The following PDCD6IP variants were observed in gnomAD, a reference collection of about 807,000 sequenced individuals.
The protein encoded by PDCD6IP is programmed cell death 6-interacting protein.
Under a neutral mutation model 103.7 loss-of-function variants are expected in PDCD6IP, and 43 were observed. The ratio of observed to expected loss-of-function variants is 0.41; its 90% CI spans 0.32 to 0.53. The LOEUF is 0.53. Ranked by LOEUF, PDCD6IP falls within the 20% of genes least tolerant of loss-of-function variation. The pLI is 0.16. For missense variants in PDCD6IP, 871 were observed against 1,036.7 expected, an observed-to-expected ratio of 0.84 and a Z score of 2.20; for synonymous variants, 354 against 378.7, an observed-to-expected ratio of 0.93 and a Z score of 0.76.
chr3:33,827,109 A>G (rs1412634149), intron 6 of PDCD6IP: 6 of 985,338 alleles, frequency 6.1e-6, no homozygotes, highest in Admixed American at 1.2e-4. Context: ...AAGGAAAGCA[A>G]CCATCTTAAA....
rs1473447666 is a variant in PDCD6IP at position 33,868,476 on chromosome 3, A to G, written c.*1951A>G. 1 of 152,744 alleles carries G rather than the reference A, an allele frequency of 6.5e-6. No individual in the cohort carries two copies. The highest frequency in any genetic ancestry group is 1.5e-5 in the Non-Finnish European group (1 of 68,200). The allele number at this position is 152,744 out of a possible 1,614,324, so 9.5% of individuals were successfully genotyped here. ...TCAGAAACTAGGAAAGGAGGCCCCCACAGCTGATCCTGCCACAGCACACCT... is the reference window on the plus strand; with the variant it reads ...TCAGAAACTAGGAAAGGAGGCCCCCGCAGCTGATCCTGCCACAGCACACCT... On this transcript the variant is annotated 3_prime_UTR_variant, in exon 18 of 18. Transcript: ENST00000307296.
intron 6 of PDCD6IP, 155 bp from the exon 7 acceptor site, chr3:33,828,698 T>G (rs1697182597): frequency 1.8e-6 from 1 of 556,358 alleles, no homozygotes. Context: ...TCATGTCGTC[T>G]TCTCTGTTTA....
chr3:33,835,273 G>A (rs1697322242), intron 7 of PDCD6IP: 2 of 456,608 alleles, frequency 4.4e-6, no homozygotes, highest in African/African-American at 4.0e-5. Context: ...TTCACTGAGA[G>A]TTAGGCCGTT....
At chr3:33,821,753 G>A (rs915604555) in intron 3 of PDCD6IP, among the ~76,000 whole-genome samples, 3 of 152,232 alleles carry the variant, frequency 2.0e-5, no homozygotes, top group East Asian at 3.8e-4. Flanking sequence ...CAGCGTTTTG[G>A]GTGATGGGAA....
Position 33,862,348 on chromosome 3 carries a change from A to T in PDCD6IP, c.2121-1658A>T, listed in dbSNP as rs376081268. ...GCGGACAGTGTGGGGCTTTGCTGTT[A>T]ATTGTTAAATCAGGGCAAAAGGTAC... On this transcript the variant is annotated intron_variant, in intron 15 of 17. Transcript: ENST00000307296. Among the ~76,000 whole-genome samples, 7 of 151,722 alleles carry T rather than the reference A, an allele frequency of 4.6e-5. No individual in the cohort carries two copies. In the South Asian group the frequency reaches 6.2e-4, roughly 14 times the overall value.
At chr3:33,847,347 C>T (rs1333295001) in intron 12 of PDCD6IP, among the ~76,000 whole-genome samples, 1 of 152,162 alleles carries the variant, frequency 6.6e-6, no homozygotes, top group Non-Finnish European at 1.5e-5. Context: ...ACTTGTGTTA[C>T]ACAGGAGAAA....
chr3:33,865,272 T>C lies in PDCD6IP; in HGVS notation c.2274T>C (p.Pro758=). ...CTAAGCCCCAGCCCCCAGCCAGGCC[T>C]CCACCACCTGTGCTTCCAGCAAATC... The part of the protein sequence containing the change: ...PPTKPQPPAR[P]PPPVLPANRA... The change falls in exon 17 of 18, where the codon CCT becomes CCC. Residue 758 remains proline (P), a synonymous_variant. Transcript: ENST00000307296. 1 of 1,577,374 alleles carries C rather than the reference T, an allele frequency of 6.3e-7. No individual in the cohort carries two copies. The highest frequency in any genetic ancestry group is 8.6e-7 in the Non-Finnish European group (1 of 1,164,718).
At chr3:33,809,037 G>A (rs1296358323) in intron 1 of PDCD6IP, among the ~76,000 whole-genome samples, 1 of 152,066 alleles carries the variant, frequency 6.6e-6, no homozygotes, top group Non-Finnish European at 1.5e-5. Context: ...TTATGGTCAT[G>A]CTGTTTTAGA....
chr3:33,821,074 A>G (rs1012669260), intron 3 of PDCD6IP, among the ~76,000 whole-genome samples: 1 of 152,086 alleles, frequency 6.6e-6, no homozygotes, highest in African/African-American at 2.4e-5. Flanking sequence ...TGGCATGATC[A>G]TAGCTCACTG....
At chr3:33,823,859 A>T (rs184274594) in intron 4 of PDCD6IP, among the ~76,000 whole-genome samples, 1,708 of 152,238 alleles carry the variant, frequency 0.011, 23 homozygotes, top group African/African-American at 0.039. Flanking sequence ...TAACTCAGTT[A>T]GTTAGTATAT....
At chr3:33,858,737 G>C (rs1697885883) in intron 15 of PDCD6IP, among the ~76,000 whole-genome samples, 2 of 151,894 alleles carry the variant, frequency 1.3e-5, no homozygotes, top group South Asian at 4.1e-4. Flanking sequence ...GTGAACCCGG[G>C]AGGCGGAGCT....
At position 33,848,509 on chromosome 3, in the gene PDCD6IP, A is replaced by G. The variant is rs369660434; in HGVS notation, c.1641+2921A>G. On this transcript the variant is annotated intron_variant, in intron 12 of 17. Coordinates refer to ENST00000307296, the MANE Select transcript of PDCD6IP (RefSeq NM_013374.6). ...AACCTCTGCCTCCTGGGTTCAAGCA[A>G]TTCTCCTGTCTCAGCCTCCCGAGTA... 6.0e-3 allele frequency among the ~76,000 whole-genome samples: 914 copies of G among 152,030 alleles called. 3 individuals carry two copies. Among genetic ancestry groups the G allele is most frequent in the Non-Finnish European group, 0.01 (706 of 67,994 alleles).
chr3:33,826,838 A>G, intron 6 of PDCD6IP: 9 of 1,238,616 alleles, frequency 7.3e-6, no homozygotes, highest in Non-Finnish European at 8.1e-6. Flanking sequence ...GAAAATGTTG[A>G]CCATCTGTTT....
chr3:33,825,648 AC>A (rs1697104456), intron 5 of PDCD6IP, among the ~76,000 whole-genome samples: 1 of 152,198 alleles, frequency 6.6e-6, no homozygotes, highest in Admixed American at 6.5e-5. Context: ...TTGGATACTT[AC>A]TCTGTGCCAG....
intron 1 of PDCD6IP, among the ~76,000 whole-genome samples, chr3:33,801,139 A>G (rs1454770189): frequency 1.3e-5 from 2 of 152,152 alleles, no homozygotes; most frequent in African/African-American, 2.4e-5. Context: ...AGATATTACT[A>G]AAGTTTATAA....
chr3:33,809,681 C>T (rs1696675005), intron 1 of PDCD6IP, among the ~76,000 whole-genome samples: 1 of 152,130 alleles, frequency 6.6e-6, no homozygotes, highest in African/African-American at 2.4e-5. Flanking sequence ...TGCTGATTTT[C>T]CTAATATTAT....
At chr3:33,816,536 T>C (rs1696857914) in intron 3 of PDCD6IP, among the ~76,000 whole-genome samples, 1 of 143,686 alleles carries the variant, frequency 7.0e-6, no homozygotes, top group Non-Finnish European at 1.5e-5. Context: ...AAAGAAAATA[T>C]CTCCAGGTGA....
chr3:33,815,972 T>A (rs1466089866), intron 3 of PDCD6IP, among the ~76,000 whole-genome samples: 2 of 151,642 alleles, frequency 1.3e-5, no homozygotes, highest in African/African-American at 4.8e-5. Flanking sequence ...GAGGAAGAGG[T>A]TCTGGGAATG....
At chr3:33,865,571 A>T (rs1385690871) in intron 17 of PDCD6IP, 141 bp downstream of exon 17, 4 of 610,580 alleles carry the variant, frequency 6.6e-6, no homozygotes, top group Non-Finnish European at 1.1e-5. Context: ...TCCAGAAATG[A>T]AAATAATGTT....
Sources: allele counts gnomAD v4.1 joint callset (sites outside exome capture counted in the v4.1 genomes callset), GRCh38; gene constraint gnomAD v4.1.1; transcripts MANE v1.5; gene names NCBI Gene and HGNC (gene_info 2026-07-23, HGNC 2026-07-21).